The following NPSR1 variants were observed in gnomAD, a reference collection of about 807,000 sequenced individuals.
NPSR1 encodes neuropeptide S receptor.
A neutral mutation model predicts 46.9 loss-of-function variants in NPSR1; 48 were observed. The observed-to-expected ratio is 1.02, with a 90% CI of 0.81 to 1.30. The LOEUF (loss-of-function observed/expected upper bound fraction) is 1.30, where lower values mean the gene tolerates loss of function less well. Ranked by LOEUF, NPSR1 falls within the 50% of genes most tolerant of loss-of-function variation. The probability of loss-of-function intolerance (pLI) is 0.00; values close to 1 mark genes in which losing one functional copy is unlikely to be tolerated. For synonymous variants in NPSR1, 176 were observed against 168.1 expected, an observed-to-expected ratio of 1.05 and a Z score of -0.36; for missense variants, 450 against 449.5, an observed-to-expected ratio of 1.00 and a Z score of -0.01.
chr7:34,704,783 T>A (rs1475793087), intron 2 of NPSR1, among the ~76,000 whole-genome samples: 4 of 152,326 alleles, frequency 2.6e-5, no homozygotes, highest in Non-Finnish European at 4.4e-5. Flanking sequence ...CAGCATCTTA[T>A]CGGATTGCTT....
intron 2 of NPSR1, among the ~76,000 whole-genome samples, chr7:34,707,722 G>A (rs1794178648): frequency 2.6e-5 from 4 of 152,226 alleles, no homozygotes; most frequent in Admixed American, 6.5e-5. Context: ...CCTCAGCAAT[G>A]CAGCAGTGGT....
downstream of NPSR1, among the ~76,000 whole-genome samples, chr7:34,854,397 ACTGT>A (rs1238495382): frequency 5.3e-5 from 8 of 152,314 alleles, no homozygotes; most frequent in South Asian, 2.1e-4. Context: ...AAAATAAATA[ACTGT>A]CTGCTGTTTA....
intron 3 of NPSR1, among the ~76,000 whole-genome samples, chr7:34,793,325 G>A (rs1378195051): frequency 4.6e-5 from 7 of 151,966 alleles, no homozygotes; most frequent in African/African-American, 1.7e-4. Context: ...TTAATATCCA[G>A]AATATATGAG....
intron 4 of NPSR1, among the ~76,000 whole-genome samples, chr7:34,818,402 C>T (rs745780201): frequency 5.3e-5 from 8 of 152,050 alleles, no homozygotes; most frequent in Middle Eastern, 3.2e-3. Flanking sequence ...CAAACCACTG[C>T]GCAAGGAAAT....
intron 2 of NPSR1, among the ~76,000 whole-genome samples, chr7:34,777,709 A>G (rs1787035169): frequency 6.6e-6 from 1 of 152,126 alleles, no homozygotes; most frequent in Admixed American, 6.5e-5. Context: ...ATTCTGGATT[A>G]CGTGATAAAT....
At chr7:34,687,921 A>G (rs769757373) in intron 2 of NPSR1, among the ~76,000 whole-genome samples, 1 of 152,220 alleles carries the variant, frequency 6.6e-6, no homozygotes, top group Non-Finnish European at 1.5e-5. Flanking sequence ...CTATCCCCTT[A>G]AAGTATTAGC....
intron 3 of NPSR1, among the ~76,000 whole-genome samples, chr7:34,792,884 AAAAC>A (rs138795664): frequency 6.9e-6 from 1 of 145,952 alleles, no homozygotes. Flanking sequence ...ACCCTGTCTC[AAAAC>A]AAACAAACAA....
At chr7:34,868,175 G>A (rs906894598) in intron 8 of NPSR1, among the ~76,000 whole-genome samples, 28 of 151,558 alleles carry the variant, frequency 1.8e-4, no homozygotes, top group African/African-American at 6.1e-4. Flanking sequence ...TCAAAGCCCA[G>A]GGAATGTGGG....
intron 2 of NPSR1, among the ~76,000 whole-genome samples, chr7:34,756,020 C>G (rs959522001): frequency 6.6e-6 from 1 of 152,130 alleles, no homozygotes; most frequent in Non-Finnish European, 1.5e-5. Flanking sequence ...ATACAGGTCT[C>G]TGAATATAAA....
intron 4 of NPSR1, among the ~76,000 whole-genome samples, chr7:34,815,683 A>G (rs1466689089): frequency 6.6e-6 from 1 of 152,256 alleles, no homozygotes; most frequent in Non-Finnish European, 1.5e-5. Flanking sequence ...CAGGTTACCC[A>G]CAAAGGGAAG....
intron 2 of NPSR1, chr7:34,751,043 G>A (rs533061575): frequency 2.6e-5 from 20 of 774,426 alleles, no homozygotes; most frequent in South Asian, 9.6e-5. Context: ...CAGGGTTGAT[G>A]AGCAGCATGG....
intron 2 of NPSR1, among the ~76,000 whole-genome samples, chr7:34,752,384 AG>A (rs1266438348): frequency 1.3e-5 from 2 of 152,158 alleles, no homozygotes; most frequent in Non-Finnish European, 2.9e-5. Context: ...TGGAGGCCTA[AG>A]GAGTTTCCTT....
At chr7:34,810,609 A>C (rs1788932390) in intron 3 of NPSR1, among the ~76,000 whole-genome samples, 1 of 152,214 alleles carries the variant, frequency 6.6e-6, no homozygotes, top group African/African-American at 2.4e-5. Context: ...GAACCCTTCT[A>C]TCATCTCTTG....
chr7:34,748,720 G>T (rs1785347802), intron 2 of NPSR1, among the ~76,000 whole-genome samples: 1 of 152,140 alleles, frequency 6.6e-6, no homozygotes, highest in South Asian at 2.1e-4. Context: ...TTGTGTGCGT[G>T]AGGTGCTGGG....
intron 2 of NPSR1, among the ~76,000 whole-genome samples, chr7:34,707,921 C>T (rs138484938): frequency 1.3e-5 from 2 of 152,130 alleles, no homozygotes; most frequent in Admixed American, 6.5e-5. Context: ...TATTTTGAGG[C>T]CTTTCTCATT....
At chr7:34,803,199 C>G (rs1241607374) in intron 3 of NPSR1, among the ~76,000 whole-genome samples, 22 of 150,646 alleles carry the variant, frequency 1.5e-4, no homozygotes, top group South Asian at 6.3e-4. Flanking sequence ...CCATTTGACC[C>G]AGCCATCCCA....
chr7:34,741,315 C>T (rs1176520365), intron 2 of NPSR1, among the ~76,000 whole-genome samples: 3 of 152,186 alleles, frequency 2.0e-5, no homozygotes, highest in Non-Finnish European at 4.4e-5. Context: ...GGTGAAAGCT[C>T]AGGGTCTTCT....
intron 2 of NPSR1, among the ~76,000 whole-genome samples, chr7:34,758,711 C>T (rs565264640): frequency 6.6e-6 from 1 of 152,302 alleles, no homozygotes; most frequent in African/African-American, 2.4e-5. Context: ...TTTATCATTT[C>T]CTCTATCAGT....
intron 2 of NPSR1, among the ~76,000 whole-genome samples, chr7:34,691,857 T>C (rs1403150817): frequency 5.9e-5 from 9 of 152,200 alleles, no homozygotes; most frequent in Non-Finnish European, 1.3e-4. Context: ...AACTGACTCT[T>C]GTAATCCCAG....
Sources: allele counts gnomAD v4.1 joint callset (sites outside exome capture counted in the v4.1 genomes callset), GRCh38; gene constraint gnomAD v4.1.1; transcripts MANE v1.5; gene names NCBI Gene and HGNC (gene_info 2026-07-23, HGNC 2026-07-21).